Variants in NEK5 observed in about 807,000 individuals in gnomAD.
The protein encoded by NEK5 is NIMA related kinase 5.
A neutral mutation model predicts 109.2 loss-of-function variants in NEK5; 88 were observed. That is an observed-to-expected ratio of 0.81 (90% confidence interval 0.68 to 0.96). The LOEUF is 0.96. Among genes scored for constraint, NEK5 ranks in the 40% least tolerant of loss-of-function variants. The probability of loss-of-function intolerance (pLI) is 0.00; values close to 1 mark genes in which losing one functional copy is unlikely to be tolerated. For synonymous variants in NEK5, 283 were observed against 299.9 expected (o/e 0.94, Z 0.58); for missense variants, 834 against 920.7 (o/e 0.91, Z 1.22).
intron 17 of NEK5, among the ~76,000 whole-genome samples, chr13:52,079,917 G>A (rs1478609393): frequency 2.7e-5 from 4 of 150,182 alleles, no homozygotes; most frequent in East Asian, 2.0e-4. Context: ...CCGCCGCCCC[G>A]TCTGGGATGT....
intron 13 of NEK5, among the ~76,000 whole-genome samples, chr13:52,090,386 C>T (rs1955253497): frequency 6.6e-6 from 1 of 152,116 alleles, no homozygotes; most frequent in Admixed American, 6.5e-5. Context: ...TAAGCATCCC[C>T]AATTTACAAA....
intron 22 of NEK5, among the ~76,000 whole-genome samples, chr13:52,057,520 C>T (rs1217724608): frequency 6.6e-6 from 1 of 152,144 alleles, no homozygotes; most frequent in African/African-American, 2.4e-5. Context: ...GACCAATATC[C>T]TTGATGAACA....
intron 8 of NEK5, among the ~76,000 whole-genome samples, chr13:52,106,642 T>C (rs1288083511): frequency 6.6e-6 from 1 of 151,874 alleles, no homozygotes; most frequent in Non-Finnish European, 1.5e-5. Context: ...TGGGGCGTGC[T>C]TGCAGTCCCA....
At chr13:52,105,719 C>T (rs1190192187) in intron 8 of NEK5, among the ~76,000 whole-genome samples, 1 of 152,152 alleles carries the variant, frequency 6.6e-6, no homozygotes, top group Non-Finnish European at 1.5e-5. Flanking sequence ...TGGGTGGGGC[C>T]AGTTGCAGGC....
chr13:52,116,194 A>T (rs2138095026), intron 4 of NEK5, among the ~76,000 whole-genome samples: 1 of 151,744 alleles, frequency 6.6e-6, no homozygotes, highest in South Asian at 2.1e-4. Flanking sequence ...AAAAAAAAAA[A>T]AAATCAAGAT....
At chr13:52,086,472 G>T in intron 15 of NEK5, 109 bp from the exon 16 acceptor site, 1 of 722,394 alleles carries the variant, frequency 1.4e-6, no homozygotes, top group Non-Finnish European at 2.4e-6. Flanking sequence ...AATAAGGTTA[G>T]AAAAATATGT....
intron 17 of NEK5, among the ~76,000 whole-genome samples, chr13:52,082,914 C>T (rs1256632289): frequency 2.0e-5 from 3 of 152,050 alleles, no homozygotes; most frequent in African/African-American, 4.8e-5. Context: ...TTTAGGAGGC[C>T]GAGGCTGGTG....
chr13:52,070,328 CA>C (rs35172666), intron 20 of NEK5, among the ~76,000 whole-genome samples: 102 of 150,650 alleles, frequency 6.8e-4, no homozygotes, highest in Middle Eastern at 3.4e-3. Flanking sequence ...AGGTATTATC[CA>C]AAAAAAAATC....
At chr13:52,117,935 G>T (rs1594001379) in intron 4 of NEK5, among the ~76,000 whole-genome samples, 1 of 152,136 alleles carries the variant, frequency 6.6e-6, no homozygotes, top group East Asian at 1.9e-4. Flanking sequence ...AGTATCCAAT[G>T]GACAGGAATG....
In NEK5 at chr13:52,055,229, C is replaced by G. The variant is rs1169517178; in HGVS notation, c.2111-5008G>C. Among the ~76,000 whole-genome samples, 3 of 152,098 alleles carry G rather than the reference C, an allele frequency of 2.0e-5. No homozygotes were observed. In the East Asian group the frequency reaches 5.8e-4, roughly 29 times the overall value. ...GGAAGATCAAATGAATGAAATGAAG[C>G]AAGAAGGGAAGTTTAGAGAAAAAAG... is the stretch of plus-strand genomic sequence containing the variant. On this transcript the variant is annotated intron_variant, in intron 22 of 23. Coordinates refer to ENST00000684899, the MANE Select transcript of NEK5 (RefSeq NM_001365552.1).
At chr13:52,091,858 T>G (rs1955290372) in intron 13 of NEK5, among the ~76,000 whole-genome samples, 1 of 152,248 alleles carries the variant, frequency 6.6e-6, no homozygotes, top group Non-Finnish European at 1.5e-5. Flanking sequence ...AATACTATTT[T>G]CTTTCTAACA....
intron 11 of NEK5, among the ~76,000 whole-genome samples, chr13:52,101,634 C>T (rs1439321002): frequency 6.6e-6 from 1 of 152,152 alleles, no homozygotes; most frequent in Admixed American, 6.5e-5. Context: ...TGTCCCTTCA[C>T]TACACAAAAG....
chr13:52,047,248 T>A (rs1027856994), intron 23 of NEK5, among the ~76,000 whole-genome samples: 1 of 152,184 alleles, frequency 6.6e-6, no homozygotes, highest in Non-Finnish European at 1.5e-5. Flanking sequence ...ACTATACATA[T>A]ACTAGTTTTT....
intron 14 of NEK5, 133 bp from the exon 15 acceptor site, chr13:52,087,587 G>T (rs1467650006): frequency 5.9e-6 from 3 of 505,086 alleles, no homozygotes; most frequent in African/African-American, 3.9e-5. Flanking sequence ...TTTTTTTGTG[G>T]TAAGTAGTAG....
intron 13 of NEK5, among the ~76,000 whole-genome samples, chr13:52,091,700 C>CT (rs1316298944): frequency 2.0e-5 from 3 of 152,114 alleles, no homozygotes; most frequent in African/African-American, 7.2e-5. Context: ...AACTCTTAGA[C>CT]TTAAGTCTTC....
At chr13:52,068,807 T>G (rs1217629565) in intron 20 of NEK5, among the ~76,000 whole-genome samples, 2 of 151,928 alleles carry the variant, frequency 1.3e-5, no homozygotes, top group African/African-American at 4.8e-5. Context: ...TCATCTCTAC[T>G]AAAAATATTT....
At chr13:52,055,293 A>T (rs1954544336) in intron 22 of NEK5, among the ~76,000 whole-genome samples, 1 of 152,176 alleles carries the variant, frequency 6.6e-6, no homozygotes, top group African/African-American at 2.4e-5. Flanking sequence ...GAAATATGGG[A>T]CTATGTGAAA....
At chr13:52,047,998 G>T (rs923863556) in intron 23 of NEK5, among the ~76,000 whole-genome samples, 5 of 151,962 alleles carry the variant, frequency 3.3e-5, no homozygotes, top group African/African-American at 9.7e-5. Context: ...AACACAAGAG[G>T]AAAAAAGGGA....
chr13:52,109,710 CA>C (rs1955720800), intron 7 of NEK5, among the ~76,000 whole-genome samples: 2 of 152,124 alleles, frequency 1.3e-5, no homozygotes, highest in Non-Finnish European at 2.9e-5. Flanking sequence ...TATCTTAACC[CA>C]GACACTCCCT....
Sources: allele counts gnomAD v4.1 joint callset (sites outside exome capture counted in the v4.1 genomes callset), GRCh38; gene constraint gnomAD v4.1.1; transcripts MANE v1.5; gene names NCBI Gene and HGNC (gene_info 2026-07-23, HGNC 2026-07-21).